The following CNNM2 variants were observed in gnomAD, a reference collection of about 807,000 sequenced individuals.
CNNM2 encodes cyclin and CBS domain divalent metal cation transport mediator 2, also known as metal transporter CNNM2.
In CNNM2, 12 loss-of-function variants were observed where a neutral mutation model predicts 66.9. The ratio of observed to expected loss-of-function variants is 0.18; its 90% CI spans 0.11 to 0.29. The LOEUF is 0.29. CNNM2 is among the 10% of genes least tolerant of loss of function. CNNM2 has a pLI of 1.00. For missense variants in CNNM2, 705 were observed against 1,167.7 expected (o/e 0.60, Z 5.77); for synonymous variants, 557 against 501.8 (o/e 1.11, Z -1.47).
chr10:102,927,423 C>G (rs1396892032), intron 1 of CNNM2: 1 of 1,612,738 alleles, frequency 6.2e-7, no homozygotes, highest in Non-Finnish European at 8.5e-7. Flanking sequence ...TTCAACATCA[C>G]AGACATTGGC....
chr10:102,960,897 GT>G (rs202024113), intron 1 of CNNM2, among the ~76,000 whole-genome samples: 58 of 138,790 alleles, frequency 4.2e-4, no homozygotes, highest in Admixed American at 4.4e-4. Flanking sequence ...GTGATTCTCT[GT>G]TTTTTTTTTT....
chr10:102,938,031 A>T (rs1278604494), intron 1 of CNNM2, among the ~76,000 whole-genome samples: 1 of 151,618 alleles, frequency 6.6e-6, no homozygotes, highest in Admixed American at 6.6e-5. Context: ...GGGCGCAGTG[A>T]CTCACGCCTA....
chr10:102,947,853 C>T (rs1342586925), intron 1 of CNNM2, among the ~76,000 whole-genome samples: 2 of 151,960 alleles, frequency 1.3e-5, no homozygotes, highest in Non-Finnish European at 2.9e-5. Flanking sequence ...AGATCGAGAC[C>T]ATCTGGCTAA....
intron 1 of CNNM2, among the ~76,000 whole-genome samples, chr10:103,032,969 T>G (rs1273200531): frequency 6.6e-6 from 1 of 151,364 alleles, no homozygotes; most frequent in Non-Finnish European, 1.5e-5. Flanking sequence ...GATACAAAAA[T>G]TAGCCAGATG....
chr10:103,053,730 G>A (rs967687375), intron 2 of CNNM2, among the ~76,000 whole-genome samples: 9 of 152,086 alleles, frequency 5.9e-5, no homozygotes, highest in East Asian at 1.9e-4. Context: ...ACCTCTGTCC[G>A]GATCCCATTC....
At chr10:103,024,601 C>T (rs1178039128) in intron 1 of CNNM2, among the ~76,000 whole-genome samples, 1 of 152,084 alleles carries the variant, frequency 6.6e-6, no homozygotes, top group Admixed American at 6.6e-5. Context: ...GCCTCAGCCT[C>T]CCGAGCAGCT....
chr10:103,018,087 T>C (rs1163783619), intron 1 of CNNM2, among the ~76,000 whole-genome samples: 1 of 151,548 alleles, frequency 6.6e-6, no homozygotes, highest in African/African-American at 2.4e-5. Context: ...AGTGGCAGAA[T>C]CTTACCCTTT....
At position 103,079,185 on chromosome 10, in the gene CNNM2, T is replaced by C. The variant is rs1256881486; in HGVS notation, c.*2005T>C. 1 of 152,194 alleles carries C rather than the reference T, an allele frequency of 6.6e-6. No individual in the cohort carries two copies. The highest frequency in any genetic ancestry group is 1.5e-5 in the Non-Finnish European group (1 of 68,030). 9.4% of individuals were successfully genotyped at this position (152,194 alleles called of 1,614,324 possible). On this transcript the variant is annotated 3_prime_UTR_variant, in exon 8 of 8. Coordinates refer to ENST00000369878, the MANE Select transcript of CNNM2 (RefSeq NM_017649.5). ...CATCTAGATACAAAAGTCAGTTTCTTAAGATGCCTCTCACTGAGCACAACA... is the reference window on the plus strand; with the variant it reads ...CATCTAGATACAAAAGTCAGTTTCTCAAGATGCCTCTCACTGAGCACAACA...
rs7089061 is a variant in CNNM2, at chr10:102,963,258, C to A, written c.1621+43157C>A. On this transcript the variant is annotated intron_variant, in intron 1 of 7. Coordinates refer to ENST00000369878, the MANE Select transcript of CNNM2 (RefSeq NM_017649.5). ...AAACCTTTTAAAAATGGAAAAAGGA[C>A]AAACTTCCCTGTCCTTGACTTCTTC... Among the ~76,000 whole-genome samples, 47,430 of 151,928 alleles carry A rather than the reference C, an allele frequency of 0.31. 7,486 individuals are homozygous for A. The highest frequency in any genetic ancestry group is 0.37 in the Middle Eastern group (109 of 294).
chr10:102,947,372 G>T (rs951778356), intron 1 of CNNM2, among the ~76,000 whole-genome samples: 2 of 152,152 alleles, frequency 1.3e-5, no homozygotes, highest in Admixed American at 1.3e-4. Context: ...GCGTCTTCTA[G>T]TGTTTTTCAT....
chr10:103,076,228 C>T lies in CNNM2; in HGVS notation c.2376C>T (p.Pro792=), dbSNP rs573050677. Reference sequence around the variant, plus strand: ...CTTCGCTCCTCCAAGTCTACATCCCCGATTACTCGGTGCGAGCCCTTTCGG... The same window carrying T: ...CTTCGCTCCTCCAAGTCTACATCCCTGATTACTCGGTGCGAGCCCTTTCGG... The part of the protein sequence containing the change: ...LNSSLLQVYI[P]DYSVRALSDL... Residue 792 remains proline (P), a synonymous_variant, in exon 7 of 8, where the codon CCC becomes CCT. Coordinates refer to ENST00000369878, the MANE Select transcript of CNNM2 (RefSeq NM_017649.5). 72 of 1,576,676 alleles carry T rather than the reference C, an allele frequency of 4.6e-5. 1 individual carries two copies. In the South Asian group the frequency reaches 6.5e-4, roughly 14 times the overall value.
chr10:103,026,995 A>G (rs1378869401), intron 1 of CNNM2, among the ~76,000 whole-genome samples: 1 of 152,232 alleles, frequency 6.6e-6, no homozygotes, highest in East Asian at 1.9e-4. Context: ...GACTGGCCAT[A>G]TTGACCTCAA....
intron 1 of CNNM2, among the ~76,000 whole-genome samples, chr10:102,926,717 T>TTG (rs1845874834): frequency 7.4e-6 from 1 of 134,898 alleles, no homozygotes; most frequent in Admixed American, 7.4e-5. Context: ...AGCTAATTTT[T>TTG]TTTTTTTTTT....
At position 103,054,500 on chromosome 10, in the gene CNNM2, C is replaced by G; in HGVS notation, c.1903+34C>G. On this transcript the variant is annotated intron_variant, in intron 3 of 7. Transcript: ENST00000369878. This position sits in a 1 kb window ranked among gnomAD's most constrained non-coding sequence, Gnocchi z 5.2. ...AGCTTATCACAGTTTGAGATCTCTACCAACCCTGAAGCGTGTTTCTCACCC... is the reference window on the plus strand; with the variant it reads ...AGCTTATCACAGTTTGAGATCTCTAGCAACCCTGAAGCGTGTTTCTCACCC... The G allele has an allele frequency of 1.9e-6, 3 of 1,607,494 alleles. No homozygotes were observed. Among genetic ancestry groups the G allele is most frequent in the Non-Finnish European group, 2.6e-6 (3 of 1,175,686 alleles).
chr10:103,002,357 C>A (rs1012061380), intron 1 of CNNM2, among the ~76,000 whole-genome samples: 1 of 151,922 alleles, frequency 6.6e-6, no homozygotes, highest in Non-Finnish European at 1.5e-5. Context: ...ACAATAAGCA[C>A]GTGAAAAGAT....
intron 1 of CNNM2, among the ~76,000 whole-genome samples, chr10:102,987,917 C>T (rs772170106): frequency 6.6e-6 from 1 of 152,240 alleles, no homozygotes; most frequent in East Asian, 1.9e-4. Flanking sequence ...CTCTCTGAGG[C>T]CTCAATGTGA....
chr10:102,965,559 A>G (rs934286028), intron 1 of CNNM2, among the ~76,000 whole-genome samples: 1 of 152,180 alleles, frequency 6.6e-6, no homozygotes, highest in Non-Finnish European at 1.5e-5. Flanking sequence ...TTCATTGAAG[A>G]TTGCCAGTAG....
chr10:103,071,681 G>A, intron 5 of CNNM2, 93 bp from the exon 6 acceptor site: 1 of 970,106 alleles, frequency 1.0e-6, no homozygotes, highest in Non-Finnish European at 1.7e-6. Flanking sequence ...ATATTGTATT[G>A]ATAGAACAAG....
intron 1 of CNNM2, among the ~76,000 whole-genome samples, chr10:103,031,893 C>T (rs1422097836): frequency 6.6e-6 from 1 of 152,094 alleles, no homozygotes; most frequent in Admixed American, 6.6e-5. Flanking sequence ...TTTGCATATG[C>T]ATAACTGCAG....
Sources: gnomAD v4.1 joint callset for allele counts (sites outside exome capture counted in the v4.1 genomes callset) on GRCh38, gnomAD v4.1.1 for gene constraint, Gnocchi (gnomAD v3.1) non-coding constraint, MANE v1.5 for transcripts, NCBI Gene and HGNC (gene_info 2026-07-23, HGNC 2026-07-21) for gene names.